Variants in ABLIM1 observed in about 807,000 individuals in gnomAD.
The protein encoded by ABLIM1 is actin binding LIM protein 1, also known as actin-binding LIM protein 1.
ABLIM1 carries 40 observed loss-of-function variants against 107.0 expected under a neutral mutation model. That is an observed-to-expected ratio of 0.37 (90% confidence interval 0.29 to 0.49). The LOEUF is 0.49. Among genes scored for constraint, ABLIM1 ranks in the 20% least tolerant of loss-of-function variants. The pLI, the probability that ABLIM1 is intolerant of heterozygous loss-of-function variation, is 0.97. For missense variants in ABLIM1, 857 were observed against 1,008.5 expected (o/e 0.85, Z 2.04); for synonymous variants, 357 against 357.3 (o/e 1.00, Z 0.01).
upstream of ABLIM1, among the ~76,000 whole-genome samples, chr10:114,770,598 C>A (rs137928743): frequency 2.7e-3 from 413 of 152,284 alleles, 1 homozygote; most frequent in African/African-American, 9.4e-3. Context: ...CTCGTTCAAT[C>A]AACTTCTGTG....
intron 1 of ABLIM1, among the ~76,000 whole-genome samples, chr10:114,616,131 G>C (rs1238776369): frequency 6.6e-6 from 1 of 152,130 alleles, no homozygotes; most frequent in Admixed American, 6.5e-5. Context: ...TCAGGAGTTT[G>C]AGACCAGCTT....
intron 8 of ABLIM1, chr10:114,485,285 C>T: frequency 6.2e-7 from 1 of 1,600,634 alleles, no homozygotes; most frequent in Non-Finnish European, 8.5e-7. Context: ...CCAGCCTAGA[C>T]ACAATGCCAA....
intron 4 of ABLIM1, among the ~76,000 whole-genome samples, chr10:114,563,436 G>T (rs1181739482): frequency 6.6e-6 from 1 of 152,136 alleles, no homozygotes; most frequent in African/African-American, 2.4e-5. Flanking sequence ...CTTGGTAGTG[G>T]ACGTGGGCAC....
At chr10:114,604,803 T>C (rs1220835912) in intron 1 of ABLIM1, among the ~76,000 whole-genome samples, 2 of 152,232 alleles carry the variant, frequency 1.3e-5, no homozygotes, top group African/African-American at 4.8e-5. Flanking sequence ...GCAGTTTCTC[T>C]TGACACTTGA....
intron 1 of ABLIM1, among the ~76,000 whole-genome samples, chr10:114,603,561 G>A (rs2076189381): frequency 6.6e-6 from 1 of 151,490 alleles, no homozygotes; most frequent in Non-Finnish European, 1.5e-5. Context: ...GGAGGGACAT[G>A]CTCTCAAGAT....
chr10:114,680,190 C>T (rs565497628), intron 1 of ABLIM1, among the ~76,000 whole-genome samples: 11 of 152,160 alleles, frequency 7.2e-5, no homozygotes, highest in Non-Finnish European at 1.6e-4. Flanking sequence ...CATTATTACG[C>T]GGGAGGCACT....
At chr10:114,568,196 C>CAAAAAA (rs34861242) in intron 4 of ABLIM1, among the ~76,000 whole-genome samples, 594 of 52,366 alleles carry the variant, frequency 0.011, 29 homozygotes, top group African/African-American at 0.041. Context: ...GACTCCGTCT[C>CAAAAAA]AAAAAAAAAA....
At chr10:114,771,350 C>G (rs572835020), upstream of ABLIM1, among the ~76,000 whole-genome samples, 1 of 152,200 alleles carries the variant, frequency 6.6e-6, no homozygotes, top group South Asian at 2.1e-4. Context: ...CTGTTAGGCA[C>G]ATAGCAAGTA....
intron 12 of ABLIM1, among the ~76,000 whole-genome samples, chr10:114,459,628 G>A (rs1202133015): frequency 6.6e-6 from 1 of 151,928 alleles, no homozygotes; most frequent in Non-Finnish European, 1.5e-5. Context: ...AGCAGCCAAT[G>A]ATTTATCTTT....
intron 1 of ABLIM1, among the ~76,000 whole-genome samples, chr10:114,623,460 T>C (rs2077594486): frequency 6.6e-6 from 1 of 152,220 alleles, no homozygotes; most frequent in Non-Finnish European, 1.5e-5. Context: ...TGATGTTCTT[T>C]ACCTTCTTTT....
chr10:114,798,593 T>A, the ABLIM1 span, among the ~76,000 whole-genome samples: 2 of 135,420 alleles, frequency 1.5e-5, no homozygotes, highest in African/African-American at 5.7e-5. Context: ...AAAAAAAAAA[T>A]TAGCCAGGCA....
intron 6 of ABLIM1, among the ~76,000 whole-genome samples, chr10:114,506,345 T>C (rs1009412871): frequency 3.9e-5 from 6 of 152,334 alleles, no homozygotes; most frequent in African/African-American, 1.2e-4. Context: ...GTCTTTTTGA[T>C]AGAATGATTT....
At chr10:114,529,999 T>C (rs1336931470) in intron 6 of ABLIM1, among the ~76,000 whole-genome samples, 1 of 152,102 alleles carries the variant, frequency 6.6e-6, no homozygotes, top group Admixed American at 6.6e-5. Flanking sequence ...TGCACTCCAT[T>C]GTGGATGCCA....
chr10:114,513,772 T>A (rs184455294), intron 6 of ABLIM1, among the ~76,000 whole-genome samples: 45 of 152,328 alleles, frequency 3.0e-4, no homozygotes, highest in Non-Finnish European at 6.5e-4. Context: ...GATTTTTCCA[T>A]GAAAGGTGTC....
intron 1 of ABLIM1, among the ~76,000 whole-genome samples, chr10:114,732,603 G>T (rs1465214534): frequency 6.6e-6 from 1 of 151,806 alleles, no homozygotes; most frequent in Non-Finnish European, 1.5e-5. Flanking sequence ...TTTTTTCCTT[G>T]GTTGCTTGTG....
intron 15 of ABLIM1, among the ~76,000 whole-genome samples, chr10:114,447,438 A>G (rs1047960286): frequency 1.3e-5 from 2 of 152,264 alleles, no homozygotes; most frequent in African/African-American, 4.8e-5. Flanking sequence ...GTTAAGAATT[A>G]TAACTACAAC....
At chr10:114,441,886 C>CA in intron 17 of ABLIM1, 100 bp from the exon 18 acceptor site, 2 of 999,330 alleles carry the variant, frequency 2.0e-6, no homozygotes, top group Admixed American at 2.1e-5. Flanking sequence ...ATAGAAATAC[C>CA]AAAAAAATTC....
chr10:114,793,514 T>G, the ABLIM1 span, among the ~76,000 whole-genome samples: 1 of 152,236 alleles, frequency 6.6e-6, no homozygotes, highest in East Asian at 1.9e-4. Context: ...CAGCCTCAGG[T>G]ATTTATAAAA....
chr10:114,670,128 T>C (rs746310682), intron 1 of ABLIM1, among the ~76,000 whole-genome samples: 2 of 152,166 alleles, frequency 1.3e-5, no homozygotes, highest in Non-Finnish European at 2.9e-5. Flanking sequence ...CAGACCAGCA[T>C]AGGCTGAAGA....
Sources: gnomAD v4.1 joint callset for allele counts (sites outside exome capture counted in the v4.1 genomes callset) on GRCh38, gnomAD v4.1.1 for gene constraint, MANE v1.5 for transcripts, NCBI Gene and HGNC (gene_info 2026-07-23, HGNC 2026-07-21) for gene names.